Variants in SLC25A42 observed in about 807,000 individuals in gnomAD.
The protein encoded by SLC25A42 is mitochondrial coenzyme A transporter SLC25A42.
Under a neutral mutation model 34.7 loss-of-function variants are expected in SLC25A42, and 19 were observed. The observed-to-expected ratio is 0.55, with a 90% CI of 0.38 to 0.80. SLC25A42 has a LOEUF of 0.80. Ranked by LOEUF, SLC25A42 falls within the 30% of genes least tolerant of loss-of-function variation. SLC25A42 has a pLI of 0.00. For synonymous variants in SLC25A42, 205 were observed against 191.2 expected (o/e 1.07, Z -0.59); for missense variants, 364 against 441.3 (o/e 0.82, Z 1.57).
In SLC25A42 at chr19:19,105,692, G is replaced by A. The variant is rs750048068; in HGVS notation, c.345G>A (p.Lys115=). 3 of 1,607,522 alleles carry A rather than the reference G, an allele frequency of 1.9e-6. No homozygotes were observed. The highest frequency in any genetic ancestry group is 2.6e-6 in the Non-Finnish European group (3 of 1,176,362). Reference sequence around the variant, plus strand: ...AGTTCAGCGCACACGAGGAGTACAAGCGCATCCTGGGCAGCTACTATGGCT... The same window carrying A: ...AGTTCAGCGCACACGAGGAGTACAAACGCATCCTGGGCAGCTACTATGGCT... The part of the protein sequence containing the change: ...AIQFSAHEEY[K]RILGSYYGFR... Residue 115 remains lysine (K), a synonymous_variant, in exon 5 of 8, where the codon AAG becomes AAA. Transcript: ENST00000318596.
chr19:19,093,437 T>C (rs901069210), intron 1 of SLC25A42, among the ~76,000 whole-genome samples: 5 of 152,252 alleles, frequency 3.3e-5, no homozygotes, highest in African/African-American at 9.6e-5. Flanking sequence ...GCCTCACTAA[T>C]GAACAAGTGC....
intron 1 of SLC25A42, among the ~76,000 whole-genome samples, chr19:19,093,592 G>C (rs1400288077): frequency 5.9e-5 from 9 of 152,202 alleles, no homozygotes; most frequent in African/African-American, 2.2e-4. Context: ...CGGTTTCTCA[G>C]GCTCTTTGTT....
At chr19:19,110,065 G>C (rs897424585) in intron 7 of SLC25A42, among the ~76,000 whole-genome samples, 3 of 152,064 alleles carry the variant, frequency 2.0e-5, no homozygotes, top group African/African-American at 4.8e-5. Flanking sequence ...TTTATTTCTC[G>C]GCCGGGCTCG....
chr19:19,086,973 G>T (rs1261135761), intron 1 of SLC25A42, among the ~76,000 whole-genome samples: 2 of 152,014 alleles, frequency 1.3e-5, no homozygotes, highest in African/African-American at 2.4e-5. Context: ...CATGTGTGTG[G>T]GGGGGTGCGC....
rs1407206230 is a variant in SLC25A42, at chr19:19,064,112, T to G, written c.-38T>G. 1 of 151,972 alleles carries G rather than the reference T, an allele frequency of 6.6e-6. No individual in the cohort carries two copies. The highest frequency in any genetic ancestry group is 1.5e-5 in the Non-Finnish European group (1 of 68,050). The allele number at this position is 151,972 out of a possible 1,614,324, so 9.4% of individuals were successfully genotyped here. On this transcript the variant is annotated 5_prime_UTR_variant, in exon 1 of 8. Coordinates refer to ENST00000318596, the MANE Select transcript of SLC25A42 (RefSeq NM_178526.5). Reference sequence around the variant, plus strand: ...GCGGCCCGCGCCTGTCGGGCTGAACTGAGGTGAGGCACGGGTCCTGTCATG... The same window carrying G: ...GCGGCCCGCGCCTGTCGGGCTGAACGGAGGTGAGGCACGGGTCCTGTCATG...
intron 1 of SLC25A42, among the ~76,000 whole-genome samples, chr19:19,078,332 C>T (rs754149133): frequency 6.6e-6 from 1 of 152,186 alleles, no homozygotes; most frequent in Non-Finnish European, 1.5e-5. Context: ...GTATGCCTGA[C>T]ACAGCCTCAG....
At chr19:19,093,787 TCTGACTCAGCCTCCTGAGTAG>T (rs2059750439) in intron 1 of SLC25A42, among the ~76,000 whole-genome samples, 1 of 152,120 alleles carries the variant, frequency 6.6e-6, no homozygotes, top group South Asian at 2.1e-4. Flanking sequence ...AAGTGATTCT[TCTGACTCAGCCTCCTGAGTAG>T]CTGAGATTAC....
At chr19:19,101,699 G>A (rs1477918559) in intron 2 of SLC25A42, 82 bp from the exon 3 acceptor site, 2 of 1,281,280 alleles carry the variant, frequency 1.6e-6, no homozygotes, top group African/African-American at 3.0e-5. Context: ...CCCAGAGGGT[G>A]TAAGGAAGGC....
intron 1 of SLC25A42, among the ~76,000 whole-genome samples, chr19:19,078,529 C>T (rs1195711611): frequency 6.6e-6 from 1 of 152,272 alleles, no homozygotes; most frequent in South Asian, 2.1e-4. Context: ...TTTGCAGTAC[C>T]GATAGAGCCC....
chr19:19,105,012 G>C, intron 4 of SLC25A42, 74 bp downstream of exon 4: 1 of 1,566,580 alleles, frequency 6.4e-7, no homozygotes, highest in Non-Finnish European at 8.8e-7. Context: ...AGTTAGGCAG[G>C]TGGTCTGAGG....
intron 1 of SLC25A42, among the ~76,000 whole-genome samples, chr19:19,083,949 C>T (rs542991998): frequency 6.6e-6 from 1 of 150,924 alleles, no homozygotes; most frequent in East Asian, 2.0e-4. Context: ...CACCCCACCA[C>T]CCCAGCGTGC....
chr19:19,093,717 ACC>A (rs1377568835), intron 1 of SLC25A42, among the ~76,000 whole-genome samples: 1 of 152,004 alleles, frequency 6.6e-6, no homozygotes, highest in Non-Finnish European at 1.5e-5. Context: ...TCGCTGTGTC[ACC>A]CAGGCTGGAA....
At chr19:19,070,751 A>T (rs2059626047) in intron 1 of SLC25A42, among the ~76,000 whole-genome samples, 2 of 152,102 alleles carry the variant, frequency 1.3e-5, no homozygotes, top group South Asian at 4.1e-4. Flanking sequence ...AATTTGGGGG[A>T]TGTCATTCAA....
intron 2 of SLC25A42, among the ~76,000 whole-genome samples, chr19:19,098,480 C>T (rs534104327): frequency 1.3e-5 from 2 of 152,080 alleles, no homozygotes; most frequent in African/African-American, 2.4e-5. Context: ...TCTGTGGTCT[C>T]AGCTACTGAG....
intron 1 of SLC25A42, among the ~76,000 whole-genome samples, chr19:19,065,210 C>G (rs1410746704): frequency 6.6e-6 from 1 of 151,998 alleles, no homozygotes; most frequent in African/African-American, 2.4e-5. Flanking sequence ...GAGACGCTGC[C>G]GGAGGAGGGG....
At position 19,111,038 on chromosome 19, in the gene SLC25A42, C is replaced by A; in HGVS notation, c.*162C>A. 1.3e-6 allele frequency: 1 copy of A among 752,334 alleles called. No homozygotes were observed. The highest frequency in any genetic ancestry group is 2.1e-6 in the Non-Finnish European group (1 of 473,180). 46.6% of individuals were successfully genotyped at this position (752,334 alleles called of 1,614,324 possible). A position where few individuals can be genotyped will look rare whatever the true frequency, so the allele number is the denominator to read the frequency against. On this transcript the variant is annotated 3_prime_UTR_variant, in exon 8 of 8. Transcript: ENST00000318596. ...GGGGCCTGGGCTCAGAGTCCACGTCCAAACGCAAAGCTGGCAGCCCTGGAA... is the reference window on the plus strand; with the variant it reads ...GGGGCCTGGGCTCAGAGTCCACGTCAAAACGCAAAGCTGGCAGCCCTGGAA...
intron 3 of SLC25A42, among the ~76,000 whole-genome samples, chr19:19,103,385 G>A (rs774634200): frequency 1.1e-4 from 16 of 152,116 alleles, no homozygotes; most frequent in African/African-American, 2.9e-4. Flanking sequence ...ATGAGTCACC[G>A]CGCCCGGCCT....
intron 6 of SLC25A42, among the ~76,000 whole-genome samples, chr19:19,107,323 A>AAC (rs1285997414): frequency 6.6e-6 from 1 of 151,122 alleles, no homozygotes; most frequent in Non-Finnish European, 1.5e-5. Flanking sequence ...CTCCAAAAAA[A>AAC]AAAAAACAAA....
Position 19,105,687 on chromosome 19 carries a change from T to C in SLC25A42, c.340T>C (p.Tyr114His), listed in dbSNP as rs1423955807. The C allele has an allele frequency of 6.2e-7, 1 of 1,608,982 alleles. No individual in the cohort carries two copies. ...CATCCAGTTCAGCGCACACGAGGAG[T>C]ACAAGCGCATCCTGGGCAGCTACTA... ...AAIQFSAHEEYKRILGSYYGF... is the reference protein window; with the variant it reads ...AAIQFSAHEEHKRILGSYYGF... The change falls in exon 5 of 8, where the codon TAC (tyrosine) becomes CAC (histidine). Residue 114 changes from tyrosine to histidine, a missense_variant. Tyr to His is a moderately conservative substitution (Grantham distance 83, BLOSUM62 2). Coordinates refer to ENST00000318596, the MANE Select transcript of SLC25A42 (RefSeq NM_178526.5).
Sources: allele counts gnomAD v4.1 joint callset (sites outside exome capture counted in the v4.1 genomes callset), GRCh38; gene constraint gnomAD v4.1.1; transcripts MANE v1.5; gene names NCBI Gene and HGNC (gene_info 2026-07-23, HGNC 2026-07-21).